The following REG3G variants were observed in gnomAD, a reference collection of about 807,000 sequenced individuals.
REG3G encodes regenerating islet-derived protein 3-gamma.
REG3G carries 19 observed loss-of-function variants against 20.9 expected under a neutral mutation model. The ratio of observed to expected loss-of-function variants is 0.91; its 90% confidence interval spans 0.64 to 1.34. The LOEUF is 1.34. Ranked by LOEUF, REG3G falls within the 40% of genes most tolerant of loss-of-function variation. The probability of loss-of-function intolerance (pLI) is 0.00; values close to 1 mark genes in which losing one functional copy is unlikely to be tolerated. For synonymous variants in REG3G, 89 were observed against 77.4 expected (o/e 1.15, Z -0.79); for missense variants, 235 against 205.0 (o/e 1.15, Z -0.89).
chr2:79,027,562 A>T (rs534459666), intron 4 of REG3G, among the ~76,000 whole-genome samples: 11 of 152,282 alleles, frequency 7.2e-5, no homozygotes, highest in African/African-American at 2.6e-4. Flanking sequence ...TACACCAATT[A>T]TTGTTCTGCA....
intron 4 of REG3G, 123 bp downstream of exon 4, chr2:79,027,294 G>T (rs933055059): frequency 9.5e-7 from 1 of 1,047,666 alleles, no homozygotes; most frequent in Non-Finnish European, 1.4e-6. Flanking sequence ...GATTCTGGGG[G>T]ACATTTGGGA....
chr2:79,026,629 A>G (rs965544787), intron 2 of REG3G, 84 bp from the exon 3 acceptor site: 1 of 1,090,924 alleles, frequency 9.2e-7, no homozygotes. Flanking sequence ...TTCCTCCCCA[A>G]GGGCAGACCT....
In REG3G at chr2:79,025,984, C is replaced by A; in HGVS notation, c.-110C>A. 9.9e-7 allele frequency: 1 copy of A among 1,008,234 alleles called. No homozygotes were observed. Among genetic ancestry groups the A allele is most frequent in the Non-Finnish European group, 1.5e-6 (1 of 652,496 alleles). The allele number at this position is 1,008,234 out of a possible 1,614,324, so 62.5% of individuals were successfully genotyped here. The stretch of plus-strand genomic sequence containing the variant: ...TGAATGTGACCAAGATCACTTCAGT[C>A]CTAGGGGACTACAGAAGGAAAAAGA... On this transcript the variant is annotated splice_region_variant and 5_prime_UTR_variant, in exon 2 of 6. Coordinates refer to ENST00000272324, the MANE Select transcript of REG3G (RefSeq NM_001008387.3).
At position 79,027,181 on chromosome 2, in the gene REG3G, T is replaced by C. The variant is rs1241916579; in HGVS notation, c.333+10T>C. ...CCATGACCCCACACAGGTGCGAGTA[T>C]ATCCTCCCCTCTCTGTTACCTCTCA... On this transcript the variant is annotated intron_variant, in intron 4 of 5. Coordinates refer to ENST00000272324, the MANE Select transcript of REG3G (RefSeq NM_001008387.3). 6.2e-7 allele frequency: 1 copy of C among 1,613,308 alleles called. No individual in the cohort carries two copies. Among genetic ancestry groups the C allele is most frequent in the Admixed American group, 1.7e-5 (1 of 59,994 alleles).
rs753256680 is a variant in REG3G at position 79,026,099 on chromosome 2, G to T, written c.6G>T (p.Leu2=). 3.7e-5 allele frequency: 59 copies of T among 1,613,792 alleles called. No homozygotes were observed. The highest frequency in any genetic ancestry group is 4.7e-5 in the Non-Finnish European group (56 of 1,179,876). ...CTCCTCAAGTCGCAGACACTATGCT[G>T]CCTCCCATGGCCCTGCCCAGTGTGT... M[L]PPMALPSVSW... The change falls in exon 2 of 6, where the codon CTG becomes CTT. Residue 2 remains leucine, a synonymous_variant. Coordinates refer to ENST00000272324, the MANE Select transcript of REG3G (RefSeq NM_001008387.3).
chr2:79,027,416 C>T (rs183334526), intron 4 of REG3G, among the ~76,000 whole-genome samples: 1 of 152,222 alleles, frequency 6.6e-6, no homozygotes, highest in Admixed American at 6.5e-5. Context: ...CAAGGGAATC[C>T]TTACAAATCA....
At position 79,027,841 on chromosome 2, in the gene REG3G, G is replaced by C; in HGVS notation, c.368G>C (p.Ser123Thr). 1 of 1,614,054 alleles carries C rather than the reference G, an allele frequency of 6.2e-7. No homozygotes were observed. The highest frequency in any genetic ancestry group is 8.5e-7 in the Non-Finnish European group (1 of 1,179,964). ...CCTGATGGAGATGGATGGGAGTGGA[G>C]TAGCACTGATGTGATGAATTACTTT... The part of the protein sequence containing the change: ...SEPDGDGWEW[S>T]STDVMNYFAW... Residue 123 changes from serine (S) to threonine (T), a missense_variant, in exon 5 of 6, where the codon AGT becomes ACT. Ser to Thr is a moderately conservative substitution (Grantham distance 58). Coordinates refer to ENST00000272324, the MANE Select transcript of REG3G (RefSeq NM_001008387.3).
At chr2:79,027,786 G>T in intron 4 of REG3G, 21 bp from the exon 5 acceptor site, 1 of 1,613,536 alleles carries the variant, frequency 6.2e-7, no homozygotes, top group Non-Finnish European at 8.5e-7. Context: ...TCTTCACCTG[G>T]CTGCCTCCTC....
rs781647569 is a variant in REG3G at position 79,028,245 on chromosome 2, A to G, written c.497A>G (p.Lys166Arg). ...LKWKDYNCDAKLPYVCKFKD is the reference protein window; with the variant it reads ...LKWKDYNCDARLPYVCKFKD Reference sequence around the variant, plus strand: ...TGGAAAGATTATAACTGTGATGCAAAGTTACCCTATGTCTGCAAGTTCAAG... The same window carrying G: ...TGGAAAGATTATAACTGTGATGCAAGGTTACCCTATGTCTGCAAGTTCAAG... The change falls in exon 6 of 6, where the codon AAG (lysine) becomes AGG (arginine). Residue 166 changes from lysine to arginine, a missense_variant. Transcript: ENST00000272324. 3.7e-6 allele frequency: 6 copies of G among 1,613,322 alleles called. No individual in the cohort carries two copies. The South Asian group carries it at 5.5e-5, about 15-fold the overall frequency.
chr2:79,026,688 C>G (rs772736387), intron 2 of REG3G, 25 bp from the exon 3 acceptor site: 1 of 1,557,088 alleles, frequency 6.4e-7, no homozygotes, highest in African/African-American at 1.4e-5. Context: ...CTTCATTTTA[C>G]TCTCTCCCTT....
Position 79,028,350 on chromosome 2 carries a change from C to A in REG3G, c.*74C>A. 3.1e-6 allele frequency: 3 copies of A among 981,184 alleles called. No homozygotes were observed. The highest frequency in any genetic ancestry group is 4.9e-6 in the Non-Finnish European group (3 of 607,158). 60.8% of individuals were successfully genotyped at this position (981,184 alleles called of 1,614,324 possible). A position where few individuals can be genotyped will look rare whatever the true frequency, so the allele number is the denominator to read the frequency against. Reference sequence around the variant, plus strand: ...ACATGAGACCAGTGTGAAGACTCACCCTGGAAGAGAATATTCTCCCCAAAC... The same window carrying A: ...ACATGAGACCAGTGTGAAGACTCACACTGGAAGAGAATATTCTCCCCAAAC... On this transcript the variant is annotated 3_prime_UTR_variant, in exon 6 of 6. Transcript: ENST00000272324.
rs563580483 is a variant in REG3G, at chr2:79,026,858, G to A, written c.195+27G>A. On this transcript the variant is annotated intron_variant, in intron 3 of 5. Coordinates refer to ENST00000272324, the MANE Select transcript of REG3G (RefSeq NM_001008387.3). ...TGAGTGGTTAGATGTGGGGTTGGAG[G>A]TGATAGGGGAAAGTCCATGCAGGTC... The A allele has an allele frequency of 9.5e-6, 13 of 1,365,624 alleles. 1 individual carries two copies. Among genetic ancestry groups the A allele is most frequent in the African/African-American group, 9.0e-5 (5 of 55,702 alleles). 84.6% of individuals were successfully genotyped at this position (1,365,624 alleles called of 1,614,324 possible).
intron 4 of REG3G, chr2:79,027,385 G>T: frequency 1.8e-6 from 1 of 547,750 alleles, no homozygotes; most frequent in Non-Finnish European, 3.2e-6. Context: ...TCGGACTCTT[G>T]TAAAACTTTT....
At chr2:79,025,865 A>C in intron 1 of REG3G, 92 bp downstream of exon 1, 1 of 527,610 alleles carries the variant, frequency 1.9e-6, no homozygotes, top group South Asian at 2.4e-5. Flanking sequence ...CTCAGGGAGC[A>C]CAGGAGCTCT....
intron 1 of REG3G, 47 bp downstream of exon 1, chr2:79,025,820 A>T (rs1259861339): frequency 2.5e-5 from 10 of 393,294 alleles, no homozygotes; most frequent in African/African-American, 1.8e-4. Flanking sequence ...GGGCAACCTC[A>T]CATAATACAG....
intron 4 of REG3G, 149 bp from the exon 5 acceptor site, chr2:79,027,658 T>A: frequency 1.2e-6 from 1 of 812,866 alleles, no homozygotes; most frequent in Non-Finnish European, 2.0e-6. Context: ...AAGGAAAAGA[T>A]TCCAGTGCAG....
chr2:79,027,582 T>C lies in REG3G; in HGVS notation c.334-225T>C, dbSNP rs577299119. Among the ~76,000 whole-genome samples, 315 of 152,286 alleles carry C rather than the reference T, an allele frequency of 2.1e-3. 1 individual carries two copies. Among genetic ancestry groups the C allele is most frequent in the Non-Finnish European group, 3.9e-3 (267 of 68,020 alleles). On this transcript the variant is annotated intron_variant, in intron 4 of 5. Coordinates refer to ENST00000272324, the MANE Select transcript of REG3G (RefSeq NM_001008387.3). ...CAATTATTGTTCTGCAAGTAACATA[T>C]TACCTTGAGTGATTCCAAAGTTCTT...
intron 1 of REG3G, 90 bp downstream of exon 1, chr2:79,025,863 G>T: frequency 1.9e-6 from 1 of 524,520 alleles, no homozygotes. Context: ...TCCTCAGGGA[G>T]CACAGGAGCT....
chr2:79,028,083 C>T (rs1211202996), intron 5 of REG3G, 126 bp from the exon 6 acceptor site: 1 of 1,281,468 alleles, frequency 7.8e-7, no homozygotes, highest in African/African-American at 1.5e-5. Flanking sequence ...GAGTCTCATT[C>T]TCCTGGATTG....
Sources: gnomAD v4.1 joint callset for allele counts (sites outside exome capture counted in the v4.1 genomes callset) on GRCh38, gnomAD v4.1.1 for gene constraint, MANE v1.5 for transcripts, NCBI Gene and HGNC (gene_info 2026-07-23, HGNC 2026-07-21) for gene names.